Variants in ATP10D observed in about 807,000 individuals in gnomAD.
ATP10D encodes ATPase phospholipid transporting 10D (putative), also known as phospholipid-transporting ATPase VD.
In ATP10D, 89 loss-of-function variants were observed where a neutral mutation model predicts 144.8. The observed-to-expected ratio is 0.61, with a 90% confidence interval of 0.52 to 0.73. The LOEUF (loss-of-function observed/expected upper bound fraction) is 0.73. Ranked by LOEUF, ATP10D falls within the 30% of genes least tolerant of loss-of-function variation. ATP10D has a pLI of 0.00. For missense variants in ATP10D, 1,603 were observed against 1,714.8 expected, an observed-to-expected ratio of 0.93 and a Z score of 1.15; for synonymous variants, 571 against 615.1, an observed-to-expected ratio of 0.93 and a Z score of 1.06.
At chr4:47,574,978 G>A (rs964209609) in intron 18 of ATP10D, among the ~76,000 whole-genome samples, 4 of 151,894 alleles carry the variant, frequency 2.6e-5, no homozygotes, top group Admixed American at 1.3e-4. Context: ...TTTCTGTTTG[G>A]TTTGGTTTTT....
At chr4:47,588,776 A>C in intron 22 of ATP10D, among the ~76,000 whole-genome samples, 1 of 152,204 alleles carries the variant, frequency 6.6e-6, no homozygotes, top group East Asian at 1.9e-4. Flanking sequence ...CAGATTAAAA[A>C]CTGACAAGAT....
chr4:47,530,066 G>C (rs1402281734), intron 5 of ATP10D, among the ~76,000 whole-genome samples: 1 of 152,048 alleles, frequency 6.6e-6, no homozygotes, highest in Admixed American at 6.6e-5. Context: ...GGGTTTTCTA[G>C]GTATAAGAAC....
intron 3 of ATP10D, among the ~76,000 whole-genome samples, chr4:47,522,265 C>T (rs143755968): frequency 1.1e-3 from 166 of 152,292 alleles, no homozygotes; most frequent in African/African-American, 3.8e-3. Context: ...TATCGTGGAG[C>T]ATAATGGTAA....
intron 19 of ATP10D, 91 bp from the exon 20 acceptor site, chr4:47,580,307 A>T: frequency 9.6e-7 from 1 of 1,044,082 alleles, no homozygotes; most frequent in Non-Finnish European, 1.5e-6. Context: ...GCTTTCTCTC[A>T]GAGAAACAAA....
At chr4:47,498,026 G>A (rs1715484307) in intron 1 of ATP10D, among the ~76,000 whole-genome samples, 1 of 152,180 alleles carries the variant, frequency 6.6e-6, no homozygotes, top group Admixed American at 6.5e-5. Flanking sequence ...TCTATTATAT[G>A]TCAGATGTCT....
At chr4:47,521,992 G>T (rs1402286695) in intron 3 of ATP10D, among the ~76,000 whole-genome samples, 3 of 152,124 alleles carry the variant, frequency 2.0e-5, no homozygotes, top group African/African-American at 7.2e-5. Context: ...ATTTGTGTAA[G>T]GTGTGATTGC....
At chr4:47,500,039 T>G (rs1020881351) in intron 1 of ATP10D, among the ~76,000 whole-genome samples, 1 of 152,200 alleles carries the variant, frequency 6.6e-6, no homozygotes. Context: ...GCAGTGTGTA[T>G]AAGATTGTTA....
chr4:47,533,390 A>ATCTGT (rs1717670723), intron 5 of ATP10D, among the ~76,000 whole-genome samples: 1 of 152,186 alleles, frequency 6.6e-6, no homozygotes. Flanking sequence ...GAATATAAAC[A>ATCTGT]TATATCTGTT....
At chr4:47,496,700 A>G (rs34545996) in intron 1 of ATP10D, among the ~76,000 whole-genome samples, 1 of 152,126 alleles carries the variant, frequency 6.6e-6, no homozygotes, top group Non-Finnish European at 1.5e-5. Flanking sequence ...TTAGGTTACT[A>G]CTGAAGTTGA....
intron 15 of ATP10D, among the ~76,000 whole-genome samples, chr4:47,565,952 GT>G (rs1409367550): frequency 1.3e-5 from 2 of 152,136 alleles, no homozygotes; most frequent in Non-Finnish European, 2.9e-5. Flanking sequence ...ACATAATTTA[GT>G]TTTATCACAA....
At chr4:47,547,310 C>T (rs1718493216) in intron 10 of ATP10D, 1 of 163,382 alleles carries the variant, frequency 6.1e-6, no homozygotes, top group Non-Finnish European at 1.4e-5. Flanking sequence ...TCCCACCAAA[C>T]TTGTGGTTTT....
At chr4:47,572,062 T>C (rs764010651) in intron 16 of ATP10D, 92 bp from the exon 17 acceptor site, 5 of 1,129,570 alleles carry the variant, frequency 4.4e-6, no homozygotes, top group Non-Finnish European at 6.7e-6. Context: ...AAGGATTTAT[T>C]TGTTCACTTG....
rs1398426921 is a variant in ATP10D at position 47,580,403 on chromosome 4, C to T, written c.3573C>T (p.Tyr1191=). The part of the protein sequence containing the change: ...LYRSGQKSEA[Y]LPHTFWITLL... ...GTTATCTGCTTCATTTCTAGGCATA[C>T]TTACCCCATACCTTCTGGATCACCT... Residue 1191 remains tyrosine, a synonymous_variant, in exon 20 of 23, where the codon TAC becomes TAT. Coordinates refer to ENST00000273859, the MANE Select transcript of ATP10D (RefSeq NM_020453.4). The T allele has an allele frequency of 1.4e-5, 22 of 1,612,544 alleles. No individual in the cohort carries two copies. The East Asian group carries it at 4.7e-4, about 34-fold the overall frequency.
At chr4:47,539,530 C>T (rs960925920) in intron 9 of ATP10D, among the ~76,000 whole-genome samples, 20 of 152,032 alleles carry the variant, frequency 1.3e-4, no homozygotes, top group Admixed American at 8.5e-4. Context: ...TGCATTTGCA[C>T]GCACACACAT....
At position 47,591,293 on chromosome 4, in the gene ATP10D, T is replaced by C. The variant is rs1577718063; in HGVS notation, c.4193T>C (p.Leu1398Ser). The change falls in exon 23 of 23, where the codon TTA becomes TCA. Residue 1398 changes from leucine to serine, a missense_variant. Leu to Ser is a moderately radical substitution (Grantham distance 145, BLOSUM62 -2). Coordinates refer to ENST00000273859, the MANE Select transcript of ATP10D (RefSeq NM_020453.4). ...ASSCAIEQGN[L>S]SLCETALDQG... ...TCCTGTGCTATTGAGCAAGGAAACT[T>C]ATCTCTGTGTGAAACTGCTTTAGAT... The C allele has an allele frequency of 6.2e-7, 1 of 1,613,466 alleles. No individual in the cohort carries two copies. Among genetic ancestry groups the C allele is most frequent in the African/African-American group, 1.3e-5 (1 of 74,988 alleles).
intron 11 of ATP10D, among the ~76,000 whole-genome samples, chr4:47,556,428 A>AT (rs1718996090): frequency 6.6e-6 from 1 of 152,168 alleles, no homozygotes; most frequent in Admixed American, 6.5e-5. Flanking sequence ...CCCAAAAAAT[A>AT]TTTTTCTAAT....
intron 9 of ATP10D, among the ~76,000 whole-genome samples, chr4:47,545,390 C>T (rs957994816): frequency 1.3e-5 from 2 of 152,146 alleles, no homozygotes; most frequent in Non-Finnish European, 2.9e-5. Flanking sequence ...ATCTGATCTG[C>T]TTTATCTTTT....
chr4:47,586,913 A>G lies in ATP10D; in HGVS notation c.3754-106A>G, dbSNP rs903823559. The G allele has an allele frequency of 9.4e-6, 9 of 956,622 alleles. No homozygotes were observed. The African/African-American group carries it at 9.8e-5, about 10-fold the overall frequency. 59.3% of individuals were successfully genotyped at this position (956,622 alleles called of 1,614,324 possible). ...TTTATTCAGGTTTGTTACACCATTC[A>G]TCCAGTGCTTAGATGTGTTGTCTCT... On this transcript the variant is annotated intron_variant, in intron 21 of 22. Transcript: ENST00000273859.
chr4:47,530,256 T>G (rs758251499), intron 5 of ATP10D, among the ~76,000 whole-genome samples: 1 of 150,224 alleles, frequency 6.7e-6, no homozygotes, highest in Non-Finnish European at 1.5e-5. Flanking sequence ...GCTTTCAACT[T>G]TCCCCCTTTT....
Sources: gnomAD v4.1 joint callset for allele counts (sites outside exome capture counted in the v4.1 genomes callset) on GRCh38, gnomAD v4.1.1 for gene constraint, MANE v1.5 for transcripts, NCBI Gene and HGNC (gene_info 2026-07-23, HGNC 2026-07-21) for gene names.